Variants in EML1 observed in about 807,000 individuals in gnomAD.
The protein encoded by EML1 is EMAP like 1.
A neutral mutation model predicts 110.4 loss-of-function variants in EML1; 27 were observed. The observed-to-expected ratio is 0.24, with a 90% CI of 0.18 to 0.34. EML1 has a LOEUF of 0.34. EML1 is among the 10% of genes least tolerant of loss of function. The pLI is 1.00. For synonymous variants in EML1, 344 were observed against 385.8 expected (o/e 0.89, Z 1.27); for missense variants, 741 against 1,030.9 (o/e 0.72, Z 3.85).
At chr14:99,767,610 AG>A (rs1182535283) in intron 1 of EML1, among the ~76,000 whole-genome samples, 1 of 152,152 alleles carries the variant, frequency 6.6e-6, no homozygotes, top group Non-Finnish European at 1.5e-5. Context: ...CTCCATCTCA[AG>A]AAAAAAAAGA....
intron 1 of EML1, among the ~76,000 whole-genome samples, chr14:99,767,864 G>A (rs144045072): frequency 3.3e-5 from 5 of 152,114 alleles, no homozygotes; most frequent in East Asian, 1.9e-4. Flanking sequence ...CAGGGATTTC[G>A]CCATGAGCTT....
chr14:99,806,316 CTTTT>C (rs1198890041), intron 1 of EML1, among the ~76,000 whole-genome samples: 274 of 87,776 alleles, frequency 3.1e-3, no homozygotes, highest in African/African-American at 0.013. Flanking sequence ...TCTCCAGAAT[CTTTT>C]TTTTTTTTTT....
intron 1 of EML1, among the ~76,000 whole-genome samples, chr14:99,761,826 G>A (rs145093287): frequency 0.02 from 3,008 of 151,870 alleles, 101 homozygotes; most frequent in African/African-American, 0.069. Context: ...TCGGGAGGCT[G>A]AGGAATGAGA....
chr14:99,804,564 G>C (rs1336415231), intron 1 of EML1, among the ~76,000 whole-genome samples: 1 of 152,168 alleles, frequency 6.6e-6, no homozygotes, highest in African/African-American at 2.4e-5. Flanking sequence ...TGGCTCCACT[G>C]TCCATGGTAT....
intron 9 of EML1, among the ~76,000 whole-genome samples, chr14:99,902,013 G>A (rs1448284356): frequency 6.6e-6 from 1 of 152,144 alleles, no homozygotes; most frequent in African/African-American, 2.4e-5. Context: ...TCTTCGGGCT[G>A]AATAGGGATG....
intron 1 of EML1, among the ~76,000 whole-genome samples, chr14:99,847,163 TATC>T (rs2058719916): frequency 6.6e-6 from 1 of 152,222 alleles, no homozygotes; most frequent in Non-Finnish European, 1.5e-5. Context: ...TTTCTAACAA[TATC>T]ATTGTGGTCA....
At chr14:99,739,065 A>AGGGT (rs1555385383) in intron 1 of EML1, among the ~76,000 whole-genome samples, 1 of 138,920 alleles carries the variant, frequency 7.2e-6, no homozygotes. Flanking sequence ...AGAGTGTGAG[A>AGGGT]GTGTGTGTGT....
At chr14:99,862,347 A>C (rs2059015910) in intron 2 of EML1, among the ~76,000 whole-genome samples, 2 of 152,172 alleles carry the variant, frequency 1.3e-5, no homozygotes, top group African/African-American at 4.8e-5. Context: ...AGGTCTCTCC[A>C]CTGGAAAGTA....
intron 1 of EML1, among the ~76,000 whole-genome samples, chr14:99,747,452 A>T (rs897207795): frequency 1.3e-5 from 2 of 151,850 alleles, no homozygotes; most frequent in Admixed American, 1.3e-4. Context: ...GGGGAAGGAG[A>T]AACTCTATCC....
In EML1 at chr14:99,936,300, C is replaced by T. The variant is rs764069587; in HGVS notation, c.2061C>T (p.Leu687=). 7.4e-6 allele frequency: 12 copies of T among 1,613,900 alleles called. No homozygotes were observed. The highest frequency in any genetic ancestry group is 2.2e-5 in the East Asian group (1 of 44,880). The part of the protein sequence containing the change: ...HLDWSVNSQF[L]VSNSGDYEIL... ...ACTGGTCTGTAAACTCACAGTTCCT[C>T]GTGTCAAATTCCGGAGACTACGAAA... Residue 687 remains leucine (L), a synonymous_variant, in exon 19 of 22, where the codon CTC becomes CTT. Transcript: ENST00000262233. The surrounding 1 kb of genome is among the most constrained non-coding windows in gnomAD (Gnocchi z 5.5).
chr14:99,760,703 C>T (rs2057306130), intron 1 of EML1, among the ~76,000 whole-genome samples: 1 of 152,146 alleles, frequency 6.6e-6, no homozygotes, highest in African/African-American at 2.4e-5. Flanking sequence ...CTGCTCAACG[C>T]CCAAACACCA....
At chr14:99,867,801 T>C (rs1270254774) in intron 3 of EML1, among the ~76,000 whole-genome samples, 1 of 152,224 alleles carries the variant, frequency 6.6e-6, no homozygotes, top group Non-Finnish European at 1.5e-5. Context: ...CCTATTTGGA[T>C]GCCTTTCATT....
intron 1 of EML1, among the ~76,000 whole-genome samples, chr14:99,797,755 C>T (rs951605331): frequency 2.0e-5 from 3 of 152,174 alleles, no homozygotes; most frequent in African/African-American, 4.8e-5. Context: ...AGTGCCTGAA[C>T]GGACCTGGCA....
chr14:99,744,959 G>A (rs191587914), intron 1 of EML1, among the ~76,000 whole-genome samples: 1 of 152,336 alleles, frequency 6.6e-6, no homozygotes, highest in East Asian at 1.9e-4. Flanking sequence ...TGGGGGAAAT[G>A]ATGAGAAGAG....
intron 1 of EML1, among the ~76,000 whole-genome samples, chr14:99,785,728 T>A (rs1216362416): frequency 6.6e-6 from 1 of 152,200 alleles, no homozygotes; most frequent in African/African-American, 2.4e-5. Context: ...TTCCCTGTTT[T>A]TCTGTGTTAC....
intron 2 of EML1, among the ~76,000 whole-genome samples, chr14:99,851,840 T>C (rs1431538571): frequency 6.6e-6 from 1 of 152,204 alleles, no homozygotes. Context: ...GGCCTCCCTC[T>C]GAGGAGCTCA....
intron 4 of EML1, among the ~76,000 whole-genome samples, chr14:99,888,959 G>A (rs1237197922): frequency 2.6e-5 from 4 of 152,290 alleles, no homozygotes; most frequent in African/African-American, 9.6e-5. Flanking sequence ...GACGCACTCC[G>A]CTTTTCCCCA....
chr14:99,769,808 C>T (rs918060815), upstream of EML1, among the ~76,000 whole-genome samples: 2 of 152,174 alleles, frequency 1.3e-5, no homozygotes, highest in African/African-American at 4.8e-5. Context: ...GAGAAGTGGG[C>T]AGCAATCAGC....
At chr14:99,782,790 TG>T in intron 1 of EML1, among the ~76,000 whole-genome samples, 1 of 152,192 alleles carries the variant, frequency 6.6e-6, no homozygotes, top group African/African-American at 2.4e-5. Flanking sequence ...AAGGAGATGA[TG>T]GGAGGGGAGT....
Sources: gnomAD v4.1 joint callset for allele counts (sites outside exome capture counted in the v4.1 genomes callset) on GRCh38, gnomAD v4.1.1 for gene constraint, Gnocchi (gnomAD v3.1) non-coding constraint, MANE v1.5 for transcripts, NCBI Gene and HGNC (gene_info 2026-07-23, HGNC 2026-07-21) for gene names.